SFI1: variants seen among roughly 807,000 people sequenced by gnomAD.
SFI1 encodes the protein SFI1 centrin binding protein, also known as protein SFI1 homolog.
A neutral mutation model predicts 207.5 loss-of-function variants in SFI1; 195 were observed. The ratio of observed to expected loss-of-function variants is 0.94; its 90% CI spans 0.84 to 1.06. The LOEUF (loss-of-function observed/expected upper bound fraction) is 1.06. Ranked by LOEUF, SFI1 falls within the 50% of genes least tolerant of loss-of-function variation. The probability of loss-of-function intolerance (pLI) is 0.00; values close to 1 mark genes in which losing one functional copy is unlikely to be tolerated. For missense variants in SFI1, 1,634 were observed against 1,588.0 expected (o/e 1.03, Z -0.49); for synonymous variants, 630 against 598.9 (o/e 1.05, Z -0.76).
intron 12 of SFI1, among the ~76,000 whole-genome samples, chr22:31,582,029 G>A (rs890676694): frequency 6.6e-6 from 1 of 150,826 alleles, no homozygotes. Context: ...TTCCATAGTT[G>A]TCTTAAAAAT....
intron 31 of SFI1, 25 bp downstream of exon 31, chr22:31,617,103 G>A: frequency 1.2e-6 from 2 of 1,613,042 alleles, no homozygotes; most frequent in Middle Eastern, 1.7e-4. Flanking sequence ...ACGCCCTGCA[G>A]CCCTGGCTAC....
chr22:31,613,603 C>T lies in SFI1; in HGVS notation c.2744C>T (p.Ala915Val), dbSNP rs530914257. ...AGCTGACCAGAGGCTGTGTTGTAGG[C>T]GGCTCACAGTCTCCATCGTGCCGTC... is the stretch of plus-strand genomic sequence containing the variant. ...QQLQAQQQVQ[A>V]AHSLHRAVRR... The change falls in exon 27 of 33, where the codon GCG (alanine) becomes GTG (valine). Residue 915 changes from alanine to valine, a missense_variant and splice_region_variant. Ala to Val is a moderately conservative substitution (Grantham distance 64). Transcript: ENST00000400288. 2.5e-5 allele frequency: 39 copies of T among 1,579,064 alleles called. No homozygotes were observed. The highest frequency in any genetic ancestry group is 6.7e-5 in the African/African-American group (5 of 74,556).
At chr22:31,530,699 TACTC>T (rs2058434173) in intron 3 of SFI1, 2 of 451,500 alleles carry the variant, frequency 4.4e-6, no homozygotes, top group African/African-American at 2.0e-5. Context: ...AGTACACAGC[TACTC>T]ACTCTGTTTA....
At chr22:31,538,610 T>G (rs1487892909) in intron 4 of SFI1, 1 of 152,608 alleles carries the variant, frequency 6.6e-6, no homozygotes, top group Admixed American at 6.5e-5. Context: ...TTAAAGTCAC[T>G]ACATTTGCTA....
intron 4 of SFI1, among the ~76,000 whole-genome samples, chr22:31,539,457 C>T (rs1463725760): frequency 6.6e-6 from 1 of 152,156 alleles, no homozygotes; most frequent in Non-Finnish European, 1.5e-5. Context: ...TGTTCTTGTT[C>T]TCTGCATGTT....
At chr22:31,513,412 A>G (rs1215006694) in intron 2 of SFI1, among the ~76,000 whole-genome samples, 3 of 151,936 alleles carry the variant, frequency 2.0e-5, no homozygotes, top group East Asian at 3.9e-4. Flanking sequence ...GCCCCTCCCA[A>G]AGTGCTCAGA....
intron 2 of SFI1, among the ~76,000 whole-genome samples, chr22:31,519,094 C>G (rs534683010): frequency 6.6e-6 from 1 of 151,986 alleles, no homozygotes; most frequent in South Asian, 2.1e-4. Flanking sequence ...TTAGCAAATA[C>G]GTTGTAATGC....
intron 6 of SFI1, among the ~76,000 whole-genome samples, chr22:31,555,223 C>G (rs1323279429): frequency 6.6e-6 from 1 of 152,074 alleles, no homozygotes; most frequent in Non-Finnish European, 1.5e-5. Context: ...GGCGGTGGCT[C>G]ACGCCTATAA....
chr22:31,611,571 A>T (rs1189197865), intron 23 of SFI1, among the ~76,000 whole-genome samples, 195 bp from the exon 24 acceptor site: 3 of 152,198 alleles, frequency 2.0e-5, no homozygotes, highest in African/African-American at 7.2e-5. Flanking sequence ...CCCGTGGCTT[A>T]TCAGTGCTGG....
At chr22:31,583,780 T>C in intron 12 of SFI1, 95 bp from the exon 13 acceptor site, 1 of 1,085,338 alleles carries the variant, frequency 9.2e-7, no homozygotes. Context: ...TGAGGTCATT[T>C]CTGCTTTGGG....
chr22:31,598,044 C>T (rs1276508560), intron 15 of SFI1, among the ~76,000 whole-genome samples: 1 of 150,764 alleles, frequency 6.6e-6, no homozygotes, highest in Non-Finnish European at 1.5e-5. Flanking sequence ...GTGGCGTGAT[C>T]TTGGCTCACT....
chr22:31,550,647 C>T, intron 6 of SFI1: 1 of 299,652 alleles, frequency 3.3e-6, no homozygotes, highest in Non-Finnish European at 6.3e-6. Context: ...TCTCCTGTGG[C>T]ACCTGGGGCT....
rs1185922809 is a variant in SFI1 at position 31,613,589 on chromosome 22, G to A, written c.2743-13G>A. 6.3e-7 allele frequency: 1 copy of A among 1,578,370 alleles called. No homozygotes were observed. Among genetic ancestry groups the A allele is most frequent in the Non-Finnish European group, 8.6e-7 (1 of 1,160,124 alleles). ...CAGGGTGTGGCATGAGCTGACCAGA[G>A]GCTGTGTTGTAGGCGGCTCACAGTC... On this transcript the variant is annotated splice_polypyrimidine_tract_variant and intron_variant, in intron 26 of 32. Transcript: ENST00000400288.
At chr22:31,599,588 CCA>C (rs1407141972) in intron 15 of SFI1, among the ~76,000 whole-genome samples, 1 of 152,178 alleles carries the variant, frequency 6.6e-6, no homozygotes, top group African/African-American at 2.4e-5. Flanking sequence ...CCTTGGCCTC[CCA>C]AAGTGCTGGG....
intron 14 of SFI1, 66 bp downstream of exon 14, chr22:31,585,200 G>A: frequency 7.0e-7 from 1 of 1,421,496 alleles, no homozygotes; most frequent in South Asian, 1.2e-5. Context: ...GCTTTGGAAA[G>A]ATTCTTGGAA....
chr22:31,564,405 A>G (rs1216668659), intron 8 of SFI1, among the ~76,000 whole-genome samples: 1 of 140,622 alleles, frequency 7.1e-6, no homozygotes, highest in African/African-American at 2.6e-5. Flanking sequence ...AGCATTTTCT[A>G]TACTTGCAAA....
Position 31,582,500 on chromosome 22 carries a change from C to T in SFI1, c.1249-1375C>T, listed in dbSNP as rs1187833170. 2.6e-5 allele frequency among the ~76,000 whole-genome samples: 4 copies of T among 151,670 alleles called. No homozygotes were observed. The East Asian group carries it at 5.9e-4, about 22-fold the overall frequency. ...CTCCTGACCTTTGGTGATCCTCCCA[C>T]CTCGGCCTCCCAAAGTGTTGGGATT... On this transcript the variant is annotated intron_variant, in intron 12 of 32. Coordinates refer to ENST00000400288, the MANE Select transcript of SFI1 (RefSeq NM_001007467.3).
chr22:31,522,009 C>T (rs2057330767), intron 2 of SFI1, among the ~76,000 whole-genome samples: 1 of 150,930 alleles, frequency 6.6e-6, no homozygotes, highest in Non-Finnish European at 1.5e-5. Flanking sequence ...GAGGGATCCA[C>T]CTGCCTTGGC....
At chr22:31,589,612 G>A (rs760761967) in intron 15 of SFI1, 35 bp downstream of exon 15, 1 of 1,585,100 alleles carries the variant, frequency 6.3e-7, no homozygotes, top group South Asian at 1.2e-5. Flanking sequence ...ACTGGGGCAG[G>A]TGTTTCAAAT....
Sources: gnomAD v4.1 joint callset for allele counts (sites outside exome capture counted in the v4.1 genomes callset) on GRCh38, gnomAD v4.1.1 for gene constraint, MANE v1.5 for transcripts, NCBI Gene and HGNC (gene_info 2026-07-23, HGNC 2026-07-21) for gene names.